The following PEX11B variants were observed in gnomAD, a reference collection of about 807,000 sequenced individuals.
The protein encoded by PEX11B is peroxisomal biogenesis factor 11 beta, also known as peroxisomal membrane protein 11B.
PEX11B carries 18 observed loss-of-function variants against 28.2 expected under a neutral mutation model. The observed-to-expected ratio is 0.64, with a 90% CI of 0.44 to 0.95. The LOEUF is 0.95. Ranked by LOEUF, PEX11B falls within the 40% of genes least tolerant of loss-of-function variation. PEX11B has a pLI of 0.00. For synonymous variants in PEX11B, 128 were observed against 128.7 expected, an observed-to-expected ratio of 0.99 and a Z score of 0.04; for missense variants, 305 against 319.8, an observed-to-expected ratio of 0.95 and a Z score of 0.35.
At position 145,911,679 on chromosome 1, in the gene PEX11B, T is replaced by G. The variant is rs587682512; in HGVS notation, c.*482A>C. The G allele has an allele frequency of 6.3e-6, 1 of 158,564 alleles. No homozygotes were observed. Among genetic ancestry groups the G allele is most frequent in the Non-Finnish European group, 1.4e-5 (1 of 70,510 alleles). 9.8% of individuals were successfully genotyped at this position (158,564 alleles called of 1,614,324 possible). On this transcript the variant is annotated 3_prime_UTR_variant, in exon 4 of 4. Transcript: ENST00000369306. ...TATAAGGGAAGAGTCCACTGGCACA[T>G]AGTCTTAAAAATTATGTTTGGAGTT...
At position 145,911,401 on chromosome 1, in the gene PEX11B, T is replaced by A. The variant is rs1158516132; in HGVS notation, c.*760A>T. 6.6e-6 allele frequency: 1 copy of A among 152,414 alleles called. No homozygotes were observed. The highest frequency in any genetic ancestry group is 1.5e-5 in the Non-Finnish European group (1 of 68,084). The allele number at this position is 152,414 out of a possible 1,614,324, so 9.4% of individuals were successfully genotyped here. ...GCTTACCTGAAAGGCTTGCTCTTCA[T>A]TATTGGCATAGGCCACAGCTATTTA... On this transcript the variant is annotated 3_prime_UTR_variant, in exon 4 of 4. Coordinates refer to ENST00000369306, the MANE Select transcript of PEX11B (RefSeq NM_003846.3).
At chr1:145,916,123 C>A (rs1647363945) in intron 3 of PEX11B, among the ~76,000 whole-genome samples, 1 of 152,160 alleles carries the variant, frequency 6.6e-6, no homozygotes, top group African/African-American at 2.4e-5. Flanking sequence ...CTGATGGACT[C>A]AATACTGTCA....
intron 3 of PEX11B, among the ~76,000 whole-genome samples, chr1:145,914,587 G>C (rs1178686944): frequency 1.3e-5 from 2 of 152,092 alleles, no homozygotes; most frequent in African/African-American, 4.8e-5. Context: ...CATCAAGCTT[G>C]TTCTTGCCTT....
intron 3 of PEX11B, among the ~76,000 whole-genome samples, chr1:145,913,755 C>G (rs1158163555): frequency 6.6e-5 from 10 of 151,976 alleles, no homozygotes; most frequent in Non-Finnish European, 1.5e-4. Flanking sequence ...CTTTAGAGGC[C>G]CAGAGGTTTA....
chr1:145,918,570 T>C, intron 1 of PEX11B, 63 bp downstream of exon 1: 1 of 1,559,752 alleles, frequency 6.4e-7, no homozygotes. Flanking sequence ...TGACTTCGCC[T>C]CACTAGAGTC....
intron 3 of PEX11B, among the ~76,000 whole-genome samples, chr1:145,914,133 C>T (rs1474013212): frequency 2.6e-5 from 4 of 152,078 alleles, no homozygotes; most frequent in African/African-American, 9.7e-5. Context: ...CCCAGCACTT[C>T]GGGAGGTGGA....
In PEX11B at chr1:145,917,688, C is replaced by G. The variant is rs1243330062; in HGVS notation, c.172+13G>C. 1.4e-6 allele frequency: 2 copies of G among 1,434,542 alleles called. No homozygotes were observed. The highest frequency in any genetic ancestry group is 2.8e-5 in the African/African-American group (2 of 71,504). The allele number at this position is 1,434,542 out of a possible 1,614,324, so 88.9% of individuals were successfully genotyped here. A position where few individuals can be genotyped will look rare whatever the true frequency, so the allele number is the denominator to read the frequency against. On this transcript the variant is annotated intron_variant, in intron 2 of 3. Coordinates refer to ENST00000369306, the MANE Select transcript of PEX11B (RefSeq NM_003846.3). The stretch of plus-strand genomic sequence containing the variant: ...AAAGGTTGGGGGATAAAAGGAAAGA[C>G]AGAGTTACTTACGCTTTCTTCCAAG...
At chr1:145,913,760 G>A (rs1365257507) in intron 3 of PEX11B, among the ~76,000 whole-genome samples, 7 of 152,046 alleles carry the variant, frequency 4.6e-5, no homozygotes, top group African/African-American at 1.7e-4. Context: ...GAGGCCCAGA[G>A]GTTTAAGTAA....
chr1:145,918,551 A>G, intron 1 of PEX11B, 82 bp downstream of exon 1: 1 of 1,548,116 alleles, frequency 6.5e-7, no homozygotes, highest in Non-Finnish European at 8.7e-7. Flanking sequence ...ACCCCCCTGT[A>G]GCCTAAACTG....
Position 145,916,900 on chromosome 1 carries a change from G to C in PEX11B, c.291C>G (p.Phe97Leu). Reference protein sequence around the residue: ...TVSHLNRALYFACDNVLWAGK... With the variant: ...TVSHLNRALYLACDNVLWAGK... Reference sequence around the variant, plus strand: ...CAGCCCACAGGACATTGTCACAGGCGAAGTACAAGGCTCGATTGAGGTGAC... The same window carrying C: ...CAGCCCACAGGACATTGTCACAGGCCAAGTACAAGGCTCGATTGAGGTGAC... The change falls in exon 3 of 4, where the codon TTC (phenylalanine) becomes TTG (leucine). Residue 97 changes from phenylalanine (F) to leucine (L), a missense_variant. Transcript: ENST00000369306. The C allele has an allele frequency of 1.2e-6, 2 of 1,613,960 alleles. No individual in the cohort carries two copies. Among genetic ancestry groups the C allele is most frequent in the Non-Finnish European group, 1.7e-6 (2 of 1,179,834 alleles).
chr1:145,912,772 G>GTGA (rs1657866726), intron 3 of PEX11B, among the ~76,000 whole-genome samples: 1 of 152,132 alleles, frequency 6.6e-6, no homozygotes, highest in South Asian at 2.1e-4. Context: ...GACAAATACT[G>GTGA]CATAATCTCA....
chr1:145,914,046 T>C (rs1647242056), intron 3 of PEX11B, among the ~76,000 whole-genome samples: 1 of 152,184 alleles, frequency 6.6e-6, no homozygotes, highest in Admixed American at 6.5e-5. Context: ...ATAGCTAGCA[T>C]AAACATAAAT....
intron 3 of PEX11B, among the ~76,000 whole-genome samples, chr1:145,913,634 ATC>A (rs138885170): frequency 6.8e-6 from 1 of 146,338 alleles, no homozygotes; most frequent in African/African-American, 2.5e-5. Flanking sequence ...CACACTCTCC[ATC>A]TCTCTCTCAA....
intron 3 of PEX11B, among the ~76,000 whole-genome samples, chr1:145,913,186 G>A (rs188795006): frequency 3.9e-4 from 60 of 152,146 alleles, no homozygotes; most frequent in African/African-American, 1.4e-3. Flanking sequence ...TGGTCAAAGC[G>A]TATAAGTTTC....
chr1:145,917,428 A>C (rs1485539653), intron 2 of PEX11B, among the ~76,000 whole-genome samples: 1 of 152,154 alleles, frequency 6.6e-6, no homozygotes, highest in African/African-American at 2.4e-5. Flanking sequence ...CTGTCTCAAA[A>C]AAATAAAAAA....
In PEX11B at chr1:145,911,592, G is replaced by A. The variant is rs782771093; in HGVS notation, c.*569C>T. ...GAAGGATAAGGGCCAAATGATGAGC[G>A]AGGTTGGTGAGGTAGACATAAGGGA... is the stretch of plus-strand genomic sequence containing the variant. On this transcript the variant is annotated 3_prime_UTR_variant, in exon 4 of 4. Coordinates refer to ENST00000369306, the MANE Select transcript of PEX11B (RefSeq NM_003846.3). 2 of 169,346 alleles carry A rather than the reference G, an allele frequency of 1.2e-5. No homozygotes were observed. Among genetic ancestry groups the A allele is most frequent in the African/African-American group, 2.3e-5 (1 of 42,962 alleles). 10.5% of individuals were successfully genotyped at this position (169,346 alleles called of 1,614,324 possible). A position where few individuals can be genotyped will look rare whatever the true frequency, so the allele number is the denominator to read the frequency against.
In PEX11B at chr1:145,917,345, T is replaced by C. The variant is rs112746590; in HGVS notation, c.173-327A>G. Reference sequence around the variant, plus strand: ...GCTCAGGAGGCTGAGACAGGAGAATTGCTTGAACCTGGGAGGCAGAGGTTG... The same window carrying C: ...GCTCAGGAGGCTGAGACAGGAGAATCGCTTGAACCTGGGAGGCAGAGGTTG... On this transcript the variant is annotated intron_variant, in intron 2 of 3. Coordinates refer to ENST00000369306, the MANE Select transcript of PEX11B (RefSeq NM_003846.3). Among the ~76,000 whole-genome samples the C allele has an allele frequency of 4.4e-3, 667 of 152,156 alleles. 3 individuals are homozygous for C. The highest frequency in any genetic ancestry group is 0.015 in the African/African-American group (629 of 41,516).
chr1:145,916,191 C>A, intron 3 of PEX11B, among the ~76,000 whole-genome samples: 1 of 152,292 alleles, frequency 6.6e-6, no homozygotes, highest in East Asian at 1.9e-4. Flanking sequence ...TAGTTCAAAG[C>A]CTTACTTAGA....
Position 145,912,175 on chromosome 1 carries a change from G to A in PEX11B, c.766C>T (p.Arg256Ter), listed in dbSNP as rs782188850. ...GTACCGGAAGGTCAGGGCTTGAGTC[G>A]TAGCCAGGGATAGATTAGGGTGAGA... ...SILTLIYPWLRLKP is the reference protein window; with the variant it reads ...SILTLIYPWL The change falls in exon 4 of 4, where the codon CGA becomes TGA. Residue 256 changes from arginine to a stop codon, truncating the protein, a stop_gained. Transcript: ENST00000369306. LOFTEE classifies it high-confidence loss of function. 40 of 1,604,588 alleles carry A rather than the reference G, an allele frequency of 2.5e-5. No individual in the cohort carries two copies. Among genetic ancestry groups the A allele is most frequent in the Admixed American group, 2.0e-4 (12 of 59,190 alleles).
Sources: allele counts gnomAD v4.1 joint callset (sites outside exome capture counted in the v4.1 genomes callset), GRCh38; gene constraint gnomAD v4.1.1; transcripts MANE v1.5; gene names NCBI Gene and HGNC (gene_info 2026-07-23, HGNC 2026-07-21).